The following MOB3B variants were observed in gnomAD, a reference collection of about 807,000 sequenced individuals.
MOB3B encodes the protein MOB kinase activator 3B.
In MOB3B, 7 loss-of-function variants were observed where a neutral mutation model predicts 18.7. The observed-to-expected ratio is 0.37, with a 90% confidence interval of 0.21 to 0.70. The LOEUF (loss-of-function observed/expected upper bound fraction) is 0.70. Ranked by LOEUF, MOB3B falls within the 30% of genes least tolerant of loss-of-function variation. The probability of loss-of-function intolerance (pLI) is 0.52; values close to 1 mark genes in which losing one functional copy is unlikely to be tolerated. For synonymous variants in MOB3B, 111 were observed against 99.9 expected, an observed-to-expected ratio of 1.11 and a Z score of -0.66; for missense variants, 253 against 281.3, an observed-to-expected ratio of 0.90 and a Z score of 0.72.
intron 2 of MOB3B, among the ~76,000 whole-genome samples, chr9:27,369,141 G>A (rs1821380448): frequency 6.6e-6 from 1 of 152,208 alleles, no homozygotes; most frequent in South Asian, 2.1e-4. Flanking sequence ...GTTCTGGAAA[G>A]TCAGGCTGAG....
At chr9:27,357,145 TGTGTTTTTTTTTTTGCC>T (rs1821203912) in intron 3 of MOB3B, among the ~76,000 whole-genome samples, 1 of 71,332 alleles carries the variant, frequency 1.4e-5, no homozygotes, top group Non-Finnish European at 2.8e-5. Flanking sequence ...TATATATATA[TGTGTTTTTTTTTTTGCC>T]ATATATTCTC....
intron 3 of MOB3B, among the ~76,000 whole-genome samples, chr9:27,336,761 C>T (rs576014359): frequency 4.6e-5 from 7 of 152,128 alleles, no homozygotes; most frequent in Admixed American, 6.5e-5. Flanking sequence ...TAATACAGCA[C>T]GCCCGCACAC....
At chr9:27,360,746 C>T (rs1263049500) in intron 2 of MOB3B, among the ~76,000 whole-genome samples, 2 of 152,186 alleles carry the variant, frequency 1.3e-5, no homozygotes, top group African/African-American at 4.8e-5. Context: ...ACATGTCTGG[C>T]AGGCGGCAGT....
At chr9:27,373,049 G>T (rs1246126933) in intron 2 of MOB3B, among the ~76,000 whole-genome samples, 1 of 152,164 alleles carries the variant, frequency 6.6e-6, no homozygotes, top group East Asian at 1.9e-4. Context: ...CACTCTGTGG[G>T]TCAAAAATAT....
At chr9:27,521,348 C>T (rs913292663) in intron 1 of MOB3B, among the ~76,000 whole-genome samples, 6 of 152,182 alleles carry the variant, frequency 3.9e-5, no homozygotes, top group Non-Finnish European at 7.3e-5. Context: ...AACTTCAAGA[C>T]GAATGACAAT....
intron 2 of MOB3B, among the ~76,000 whole-genome samples, chr9:27,454,515 C>T (rs766475646): frequency 6.6e-6 from 1 of 152,216 alleles, no homozygotes; most frequent in Non-Finnish European, 1.5e-5. Flanking sequence ...CTGACTGGTC[C>T]TTCCTTTTGA....
At chr9:27,405,638 A>T (rs1166596222) in intron 2 of MOB3B, among the ~76,000 whole-genome samples, 1 of 152,018 alleles carries the variant, frequency 6.6e-6, no homozygotes. Flanking sequence ...TTGAGGTCTT[A>T]CCCTAATACC....
intron 2 of MOB3B, among the ~76,000 whole-genome samples, chr9:27,449,246 G>T (rs1822745183): frequency 1.3e-5 from 2 of 152,146 alleles, no homozygotes; most frequent in South Asian, 4.1e-4. Flanking sequence ...TAAAAATCTT[G>T]TCAAGTCTTT....
At chr9:27,525,738 T>C (rs566375891) in intron 1 of MOB3B, among the ~76,000 whole-genome samples, 1 of 152,356 alleles carries the variant, frequency 6.6e-6, no homozygotes, top group African/African-American at 2.4e-5. Context: ...CTGTTTTTCA[T>C]GTGCCTGAAA....
chr9:27,443,315 A>C (rs565277268), intron 2 of MOB3B, among the ~76,000 whole-genome samples: 15 of 151,864 alleles, frequency 9.9e-5, no homozygotes, highest in East Asian at 1.9e-4. Flanking sequence ...ATATACATCA[A>C]CTCTCCCAAT....
chr9:27,501,913 G>C (rs1178891040), intron 1 of MOB3B, among the ~76,000 whole-genome samples: 1 of 152,106 alleles, frequency 6.6e-6, no homozygotes, highest in East Asian at 1.9e-4. Context: ...TAGGCAAAAG[G>C]AATTTTAAAT....
intron 1 of MOB3B, among the ~76,000 whole-genome samples, chr9:27,523,019 A>T (rs1234112506): frequency 6.6e-6 from 1 of 152,166 alleles, no homozygotes; most frequent in Non-Finnish European, 1.5e-5. Flanking sequence ...ACTGATTTAG[A>T]CAAGAACTTT....
intron 2 of MOB3B, among the ~76,000 whole-genome samples, chr9:27,441,653 G>T (rs1331205995): frequency 6.6e-6 from 1 of 152,134 alleles, no homozygotes; most frequent in African/African-American, 2.4e-5. Flanking sequence ...ATTTATTTCT[G>T]GAATTTTCCA....
At chr9:27,423,269 A>T (rs1822283049) in intron 2 of MOB3B, among the ~76,000 whole-genome samples, 1 of 152,160 alleles carries the variant, frequency 6.6e-6, no homozygotes, top group South Asian at 2.1e-4. Flanking sequence ...AGGGTGATGA[A>T]TGAACTGCTA....
chr9:27,475,355 C>T (rs1819538340), intron 1 of MOB3B, among the ~76,000 whole-genome samples: 1 of 152,142 alleles, frequency 6.6e-6, no homozygotes, highest in Non-Finnish European at 1.5e-5. Flanking sequence ...CCTGCTGACC[C>T]AAAAAAACTG....
At chr9:27,520,000 C>T (rs765416046) in intron 1 of MOB3B, among the ~76,000 whole-genome samples, 1 of 152,152 alleles carries the variant, frequency 6.6e-6, no homozygotes, top group Admixed American at 6.5e-5. Flanking sequence ...CTTCCTTTTC[C>T]TGGGCTCTCT....
chr9:27,464,707 G>A (rs1819349319), intron 1 of MOB3B, among the ~76,000 whole-genome samples: 1 of 152,092 alleles, frequency 6.6e-6, no homozygotes, highest in African/African-American at 2.4e-5. Context: ...GGTTTAATTG[G>A]ACTTACAGTT....
chr9:27,471,454 T>C (rs940884403), intron 1 of MOB3B, among the ~76,000 whole-genome samples: 2 of 152,190 alleles, frequency 1.3e-5, no homozygotes, highest in African/African-American at 4.8e-5. Context: ...GCTTTGTGGC[T>C]CTTGGTCACT....
intron 3 of MOB3B, among the ~76,000 whole-genome samples, chr9:27,336,920 G>A (rs977950280): frequency 1.4e-4 from 22 of 152,242 alleles, no homozygotes; most frequent in Admixed American, 1.3e-3. Flanking sequence ...GAAAAGACAC[G>A]AGGAAAGCTG....
Sources: gnomAD v4.1 joint callset for allele counts (sites outside exome capture counted in the v4.1 genomes callset) on GRCh38, gnomAD v4.1.1 for gene constraint, MANE v1.5 for transcripts, NCBI Gene and HGNC (gene_info 2026-07-23, HGNC 2026-07-21) for gene names.